UBOX5: variants seen among roughly 807,000 people sequenced by gnomAD.
UBOX5 encodes U-box domain containing 5.
UBOX5 carries 28 observed loss-of-function variants against 39.0 expected under a neutral mutation model. That is an observed-to-expected ratio of 0.72 (90% confidence interval 0.53 to 0.98). UBOX5 has a LOEUF of 0.98. Ranked by LOEUF, UBOX5 falls within the 50% of genes least tolerant of loss-of-function variation. The pLI, the probability that UBOX5 is intolerant of heterozygous loss-of-function variation, is 0.00. For synonymous variants in UBOX5, 283 were observed against 275.5 expected, an observed-to-expected ratio of 1.03 and a Z score of -0.27; for missense variants, 585 against 674.4, an observed-to-expected ratio of 0.87 and a Z score of 1.47.
intron 1 of UBOX5, among the ~76,000 whole-genome samples, chr20:3,146,003 G>A (rs987221150): frequency 2.0e-5 from 3 of 150,178 alleles, no homozygotes; most frequent in Admixed American, 6.7e-5. Context: ...CCAAGATCGC[G>A]CCATTGCTCT....
At chr20:3,139,544 CACACCCA>C (rs569511904) in intron 1 of UBOX5, among the ~76,000 whole-genome samples, 1 of 151,534 alleles carries the variant, frequency 6.6e-6, no homozygotes, top group Non-Finnish European at 1.5e-5. Flanking sequence ...CACCCACCAC[CACACCCA>C]ACTAATTTTT....
Position 3,122,002 on chromosome 20 carries a change from T to TGA in UBOX5, c.635_636dup (p.Thr213SerfsTer99). On this transcript the variant is annotated frameshift_variant, in exon 3 of 5. Coordinates refer to ENST00000217173, the MANE Select transcript of UBOX5 (RefSeq NM_014948.4). LOFTEE classifies it high-confidence loss of function. ...ACATCCTGAGGCAGGTTCTCTGAGGTGACCAGCAGGATGCTGTCTATCACT... is the reference window on the plus strand; with the variant it reads ...ACATCCTGAGGCAGGTTCTCTGAGGTGAGACCAGCAGGATGCTGTCTATCACT... The TGA allele has an allele frequency of 2.5e-6, 4 of 1,614,158 alleles. No homozygotes were observed. The highest frequency in any genetic ancestry group is 3.4e-6 in the Non-Finnish European group (4 of 1,180,036).
intron 1 of UBOX5, among the ~76,000 whole-genome samples, chr20:3,128,691 G>A (rs949696829): frequency 6.6e-5 from 10 of 151,936 alleles, no homozygotes; most frequent in African/African-American, 2.4e-4. Flanking sequence ...GCAAGACCCC[G>A]TCTCTACAAA....
chr20:3,145,773 C>T (rs2066555900), intron 1 of UBOX5, among the ~76,000 whole-genome samples: 1 of 152,170 alleles, frequency 6.6e-6, no homozygotes, highest in South Asian at 2.1e-4. Flanking sequence ...AGGCCAGCCA[C>T]AGTGGCTCAT....
At chr20:3,124,430 T>C (rs1009026601) in intron 1 of UBOX5, among the ~76,000 whole-genome samples, 4 of 152,178 alleles carry the variant, frequency 2.6e-5, no homozygotes, top group African/African-American at 9.7e-5. Context: ...CAATGCTCAA[T>C]GTTGCCCAGG....
intron 4 of UBOX5, among the ~76,000 whole-genome samples, chr20:3,114,088 C>T (rs143453044): frequency 3.3e-5 from 5 of 152,212 alleles, no homozygotes; most frequent in East Asian, 1.9e-4. Flanking sequence ...GAGCTGAAAT[C>T]GCGCCATCGC....
rs770204260 is a variant in UBOX5, at chr20:3,149,006, A to C, written c.-42+10760T>G. On this transcript the variant is annotated intron_variant, in intron 1 of 4. Transcript: ENST00000217173. This position sits in a 1 kb window ranked among gnomAD's most constrained non-coding sequence, Gnocchi z 4.1. ...GTATGACACACTTCGGACTGCACCAAAGGCAGAAGGACTGCAAAATGCTCG... is the reference window on the plus strand; with the variant it reads ...GTATGACACACTTCGGACTGCACCACAGGCAGAAGGACTGCAAAATGCTCG... The C allele has an allele frequency of 6.2e-7, 1 of 1,613,920 alleles. No homozygotes were observed. Among genetic ancestry groups the C allele is most frequent in the Admixed American group, 1.7e-5 (1 of 59,940 alleles).
In UBOX5 at chr20:3,121,651, G is replaced by A; in HGVS notation, c.988C>T (p.His330Tyr). 6.2e-7 allele frequency: 1 copy of A among 1,613,126 alleles called. No homozygotes were observed. The highest frequency in any genetic ancestry group is 8.5e-7 in the Non-Finnish European group (1 of 1,179,628). The change falls in exon 3 of 5, where the codon CAT (histidine) becomes TAT (tyrosine). Residue 330 changes from histidine to tyrosine, a missense_variant. Physicochemically the swap from His to Tyr is moderately conservative, Grantham distance 83. Coordinates refer to ENST00000217173, the MANE Select transcript of UBOX5 (RefSeq NM_014948.4). ...GGGATGGAGTGCTGGAGCAGGAAAT[G>A]GTCAATCCGGGCCTTGAGGGAGGGG... Reference protein sequence around the residue: ...PHPSLKARIDHFLLQHSIPGC... With the variant: ...PHPSLKARIDYFLLQHSIPGC...
At chr20:3,152,376 C>G (rs993459131) in intron 1 of UBOX5, among the ~76,000 whole-genome samples, 4 of 151,672 alleles carry the variant, frequency 2.6e-5, no homozygotes, top group Admixed American at 2.6e-4. Flanking sequence ...AGCTGGGGCA[C>G]CTGCAATCCC....
intron 3 of UBOX5, among the ~76,000 whole-genome samples, chr20:3,119,497 G>A (rs575032193): frequency 6.6e-6 from 1 of 152,216 alleles, no homozygotes; most frequent in African/African-American, 2.4e-5. Flanking sequence ...CTGTAAGCCA[G>A]TAAGTTTTGG....
intron 1 of UBOX5, among the ~76,000 whole-genome samples, chr20:3,127,855 A>G (rs909591661): frequency 6.6e-6 from 1 of 152,188 alleles, no homozygotes; most frequent in Non-Finnish European, 1.5e-5. Context: ...TAAGTAGGTT[A>G]TACTATTTGG....
intron 1 of UBOX5, chr20:3,146,501 G>A (rs1317996629): frequency 3.0e-6 from 1 of 329,544 alleles, no homozygotes. Context: ...TAAACAGAAA[G>A]AAAAATCCAA....
intron 1 of UBOX5, among the ~76,000 whole-genome samples, chr20:3,157,042 C>T (rs1253455301): frequency 1.3e-5 from 2 of 152,068 alleles, no homozygotes; most frequent in Non-Finnish European, 2.9e-5. Context: ...AGGCAGATCA[C>T]GTGAGGCCAG....
At chr20:3,130,867 G>A (rs2066424146) in intron 1 of UBOX5, among the ~76,000 whole-genome samples, 1 of 150,040 alleles carries the variant, frequency 6.7e-6, no homozygotes, top group Non-Finnish European at 1.5e-5. Context: ...CTCATTTACT[G>A]CATTAGCCAG....
intron 3 of UBOX5, 88 bp from the exon 4 acceptor site, chr20:3,115,554 C>A (rs1283895795): frequency 1.4e-6 from 2 of 1,381,598 alleles, no homozygotes; most frequent in Admixed American, 5.0e-5. Context: ...GTAAAAACGG[C>A]ACCTCCAATC....
intron 1 of UBOX5, among the ~76,000 whole-genome samples, chr20:3,140,014 C>CTTTTTTTTTT (rs138435815): frequency 6.4e-5 from 5 of 78,352 alleles, no homozygotes; most frequent in African/African-American, 1.3e-4. Flanking sequence ...GGCCTTTTTA[C>CTTTTTTTTTT]TTTTTTTTTT....
chr20:3,120,608 C>T (rs372584806), intron 3 of UBOX5, among the ~76,000 whole-genome samples: 8 of 148,446 alleles, frequency 5.4e-5, no homozygotes, highest in South Asian at 2.2e-4. Context: ...ATCATGCCAC[C>T]GCACTCCAGC....
rs148312420 is a variant in UBOX5, at chr20:3,121,879, C to G, written c.760G>C (p.Glu254Gln). 2.5e-6 allele frequency: 4 copies of G among 1,613,986 alleles called. No homozygotes were observed. In the African/African-American group the frequency reaches 5.3e-5, roughly 21 times the overall value. ...TCCTCAGGCACATCCTGAATGATCT[C>G]GGCCAGCTTCTGCAGGCTGGAGGGA... ...QAPSSLQKLA[E>Q]IIQDVPEEFL... is the part of the protein sequence containing the mutation. Residue 254 changes from glutamate (E) to glutamine (Q), a missense_variant, in exon 3 of 5, where the codon GAG (glutamate) becomes CAG (glutamine). By Grantham distance (29) the Glu-to-Gln change is conservative. Transcript: ENST00000217173.
chr20:3,158,191 G>C (rs769185221), intron 1 of UBOX5, among the ~76,000 whole-genome samples: 1 of 151,778 alleles, frequency 6.6e-6, no homozygotes, highest in Non-Finnish European at 1.5e-5. Context: ...GGTTGGTCTC[G>C]AACTCCTGGG....
Sources: allele counts gnomAD v4.1 joint callset (sites outside exome capture counted in the v4.1 genomes callset), GRCh38; gene constraint gnomAD v4.1.1; non-coding constraint Gnocchi (gnomAD v3.1); transcripts MANE v1.5; gene names NCBI Gene and HGNC (gene_info 2026-07-23, HGNC 2026-07-21).